ARID5B: variants seen among roughly 807,000 people sequenced by gnomAD.
ARID5B encodes the protein AT-rich interactive domain-containing protein 5B.
Under a neutral mutation model 97.2 loss-of-function variants are expected in ARID5B, and 13 were observed. The observed-to-expected ratio is 0.13, with a 90% CI of 0.09 to 0.21. ARID5B has a LOEUF of 0.21. Ranked by LOEUF, ARID5B falls within the 10% of genes least tolerant of loss-of-function variation. ARID5B has a pLI of 1.00. For missense variants in ARID5B, 1,210 were observed against 1,465.3 expected (o/e 0.83, Z 2.84); for synonymous variants, 556 against 570.3 (o/e 0.97, Z 0.36).
chr10:62,078,310 G>A (rs954327471), intron 8 of ARID5B, among the ~76,000 whole-genome samples: 2 of 152,084 alleles, frequency 1.3e-5, no homozygotes, highest in African/African-American at 4.8e-5. Context: ...GCAACATGGT[G>A]ATACCCTATC....
chr10:62,086,028 A>C, intron 9 of ARID5B, 128 bp downstream of exon 9: 1 of 987,776 alleles, frequency 1.0e-6, no homozygotes, highest in East Asian at 2.4e-5. Flanking sequence ...CAAGAAATCT[A>C]AGCTTCACAG....
chr10:61,951,850 A>G (rs762189789), intron 3 of ARID5B, among the ~76,000 whole-genome samples: 62 of 152,198 alleles, frequency 4.1e-4, no homozygotes, highest in Non-Finnish European at 1.0e-4. Flanking sequence ...AATTTTGTAC[A>G]GAGGTATTAT....
At chr10:61,931,867 G>A (rs1844216529) in intron 2 of ARID5B, among the ~76,000 whole-genome samples, 1 of 152,134 alleles carries the variant, frequency 6.6e-6, no homozygotes, top group Non-Finnish European at 1.5e-5. Context: ...TACTGGCAAG[G>A]ATGGGGAGCA....
intron 3 of ARID5B, among the ~76,000 whole-genome samples, chr10:61,988,008 C>T (rs993102896): frequency 6.6e-6 from 1 of 152,176 alleles, no homozygotes; most frequent in Non-Finnish European, 1.5e-5. Flanking sequence ...GGAAAGGTGG[C>T]TAAACTAGAG....
intron 2 of ARID5B, among the ~76,000 whole-genome samples, chr10:61,934,313 G>A (rs1844261348): frequency 6.6e-6 from 1 of 152,118 alleles, no homozygotes; most frequent in African/African-American, 2.4e-5. Context: ...AGTCTGTTTT[G>A]CCTTCTTATC....
At chr10:61,989,406 A>C (rs529021460) in intron 3 of ARID5B, among the ~76,000 whole-genome samples, 1 of 152,332 alleles carries the variant, frequency 6.6e-6, no homozygotes, top group African/African-American at 2.4e-5. Flanking sequence ...TTTTTGAAAA[A>C]AATAATCCAT....
At chr10:62,005,401 T>C (rs1052125423) in intron 4 of ARID5B, among the ~76,000 whole-genome samples, 1 of 152,212 alleles carries the variant, frequency 6.6e-6, no homozygotes, top group African/African-American at 2.4e-5. Context: ...TCTTGATAAA[T>C]GAAGATTCTC....
chr10:61,999,185 C>T (rs1005746577), intron 3 of ARID5B, among the ~76,000 whole-genome samples: 2 of 152,198 alleles, frequency 1.3e-5, no homozygotes, highest in African/African-American at 2.4e-5. Flanking sequence ...CTGAACAGCA[C>T]TCATGACCCC....
At chr10:61,926,512 T>G (rs116576990) in intron 2 of ARID5B, among the ~76,000 whole-genome samples, 3,095 of 152,298 alleles carry the variant, frequency 0.02, 121 homozygotes, top group African/African-American at 0.071. Flanking sequence ...CTGTGTCAAG[T>G]AAAGCATCTC....
chr10:61,910,032 T>C (rs990417828), intron 2 of ARID5B, among the ~76,000 whole-genome samples: 2 of 152,222 alleles, frequency 1.3e-5, no homozygotes, highest in South Asian at 2.1e-4. Context: ...CTGGTGTTGG[T>C]TGGCAGTTCA....
At chr10:62,020,878 TAAAAAATGG>T (rs1172352497) in intron 4 of ARID5B, among the ~76,000 whole-genome samples, 1 of 151,498 alleles carries the variant, frequency 6.6e-6, no homozygotes, top group African/African-American at 2.4e-5. Flanking sequence ...TTGTTAAGTG[TAAAAAATGG>T]AAAAAATGAA....
Position 62,085,684 on chromosome 10 carries a change from C to T in ARID5B, c.1200-18C>T, listed in dbSNP as rs1840270767. 6.3e-7 allele frequency: 1 copy of T among 1,587,958 alleles called. No individual in the cohort carries two copies. The highest frequency in any genetic ancestry group is 8.6e-7 in the Non-Finnish European group (1 of 1,168,878). On this transcript the variant is annotated intron_variant, in intron 8 of 9. Transcript: ENST00000279873. ...GAATTACTCAACTGACCGATCATCT[C>T]TTCTGTTAACCTTTTAGATTAATCC...
intron 3 of ARID5B, among the ~76,000 whole-genome samples, chr10:61,986,510 A>G (rs1838849294): frequency 6.6e-6 from 1 of 152,166 alleles, no homozygotes; most frequent in African/African-American, 2.4e-5. Flanking sequence ...GGGAAACACT[A>G]ACTTGTTGAG....
In ARID5B at chr10:62,088,094, T is replaced by C. The variant is rs927079851; in HGVS notation, c.1398+2194T>C. Among the ~76,000 whole-genome samples the C allele has an allele frequency of 1.3e-4, 20 of 152,186 alleles. 1 individual carries two copies. Among genetic ancestry groups the C allele is most frequent in the African/African-American group, 4.8e-4 (20 of 41,448 alleles). Reference sequence around the variant, plus strand: ...GTTGGTCAGGCTGGTCTTGAACTCCTGACCTCAAATGATCCTCCTGCCTTG... The same window carrying C: ...GTTGGTCAGGCTGGTCTTGAACTCCCGACCTCAAATGATCCTCCTGCCTTG... On this transcript the variant is annotated intron_variant, in intron 9 of 9. Coordinates refer to ENST00000279873, the MANE Select transcript of ARID5B (RefSeq NM_032199.3).
chr10:62,066,943 AT>A (rs1366852233), intron 7 of ARID5B, among the ~76,000 whole-genome samples: 1 of 152,122 alleles, frequency 6.6e-6, no homozygotes, highest in Non-Finnish European at 1.5e-5. Flanking sequence ...TCATTGTTGC[AT>A]CCCAGCTGTA....
At chr10:61,998,227 G>A in intron 3 of ARID5B, among the ~76,000 whole-genome samples, 1 of 152,182 alleles carries the variant, frequency 6.6e-6, no homozygotes, top group East Asian at 1.9e-4. Flanking sequence ...CCTTCCATTG[G>A]TACTGGTTAT....
intron 2 of ARID5B, among the ~76,000 whole-genome samples, chr10:61,916,348 C>T (rs893890250): frequency 2.0e-5 from 3 of 152,188 alleles, no homozygotes; most frequent in Non-Finnish European, 2.9e-5. Context: ...TGGCAGCTTT[C>T]GCACTATAGT....
intron 4 of ARID5B, among the ~76,000 whole-genome samples, chr10:62,020,993 T>C (rs1044645205): frequency 2.7e-5 from 4 of 148,470 alleles, no homozygotes; most frequent in African/African-American, 1.0e-4. Flanking sequence ...AATGAGCATT[T>C]GTGGCAGTGC....
At chr10:62,018,532 A>G (rs1839312532) in intron 4 of ARID5B, among the ~76,000 whole-genome samples, 1 of 151,054 alleles carries the variant, frequency 6.6e-6, no homozygotes, top group South Asian at 2.1e-4. Context: ...GGTGCCAGAG[A>G]GGTAAATATT....
Sources: gnomAD v4.1 joint callset for allele counts (sites outside exome capture counted in the v4.1 genomes callset) on GRCh38, gnomAD v4.1.1 for gene constraint, MANE v1.5 for transcripts, NCBI Gene and HGNC (gene_info 2026-07-23, HGNC 2026-07-21) for gene names.